FARP1: variants seen among roughly 807,000 people sequenced by gnomAD.
FARP1 encodes FERM, ARHGEF and pleckstrin domain-containing protein 1.
A neutral mutation model predicts 128.8 loss-of-function variants in FARP1; 52 were observed. That is an observed-to-expected ratio of 0.40 (90% CI 0.32 to 0.51). The LOEUF is 0.51. Ranked by LOEUF, FARP1 falls within the 20% of genes least tolerant of loss-of-function variation. The probability of loss-of-function intolerance (pLI) is 0.45; values close to 1 mark genes in which losing one functional copy is unlikely to be tolerated. For missense variants in FARP1, 1,333 were observed against 1,367.9 expected (o/e 0.97, Z 0.40); for synonymous variants, 580 against 551.8 (o/e 1.05, Z -0.72).
At chr13:98,236,508 CAG>C (rs1882428722) in intron 2 of FARP1, among the ~76,000 whole-genome samples, 1 of 151,652 alleles carries the variant, frequency 6.6e-6, no homozygotes, top group Admixed American at 6.6e-5. Flanking sequence ...CAATGTTATG[CAG>C]AGTTTTAAAA....
chr13:98,251,305 C>T (rs1002891691), intron 2 of FARP1, among the ~76,000 whole-genome samples: 5 of 152,300 alleles, frequency 3.3e-5, no homozygotes, highest in African/African-American at 1.2e-4. Context: ...TCTTCTGCCT[C>T]CTTGTCTAGG....
At chr13:98,443,125 C>T (rs554856701) in intron 24 of FARP1, among the ~76,000 whole-genome samples, 88 of 152,362 alleles carry the variant, frequency 5.8e-4, no homozygotes, top group Non-Finnish European at 9.3e-4. Context: ...TTACAGCCTG[C>T]GAACCAAGAA....
At chr13:98,426,761 A>G (rs577026135) in intron 17 of FARP1, among the ~76,000 whole-genome samples, 1 of 152,376 alleles carries the variant, frequency 6.6e-6, no homozygotes, top group South Asian at 2.1e-4. Context: ...GCAAAAAAAG[A>G]AAAGCAAGAA....
At chr13:98,410,134 G>A (rs11843300) in intron 14 of FARP1, among the ~76,000 whole-genome samples, 37,340 of 152,198 alleles carry the variant, frequency 0.25, 5,621 homozygotes, top group African/African-American at 0.42. Context: ...CCTATGAGAA[G>A]TGGGCAAAAT....
At chr13:98,212,088 G>A (rs929609331) in intron 1 of FARP1, among the ~76,000 whole-genome samples, 2 of 152,160 alleles carry the variant, frequency 1.3e-5, no homozygotes, top group Admixed American at 6.5e-5. Context: ...GGAGTTTCAC[G>A]CTTGTCCCCC....
At chr13:98,296,594 C>T (rs9517250) in intron 2 of FARP1, among the ~76,000 whole-genome samples, 30,967 of 151,544 alleles carry the variant, frequency 0.2, 3,592 homozygotes, top group East Asian at 0.28. Flanking sequence ...GCCTTTTTTG[C>T]GTAGAATGTC....
intron 1 of FARP1, among the ~76,000 whole-genome samples, chr13:98,153,419 ATG>A (rs1876206543): frequency 7.5e-6 from 1 of 133,660 alleles, no homozygotes; most frequent in South Asian, 2.3e-4. Flanking sequence ...TATGTATAAT[ATG>A]TAACACATTA....
At chr13:98,437,866 TG>T in intron 19 of FARP1, 5 of 1,585,872 alleles carry the variant, frequency 3.2e-6, no homozygotes, top group Non-Finnish European at 4.3e-6. Flanking sequence ...AAGGTGAAGA[TG>T]GAATTGGGGT....
intron 16 of FARP1, among the ~76,000 whole-genome samples, chr13:98,417,455 G>GGGAA (rs1491453247): frequency 6.2e-4 from 36 of 58,480 alleles, no homozygotes; most frequent in African/African-American, 1.8e-3. Flanking sequence ...CCAGAGGTTT[G>GGGAA]AAAAAAAAAA....
chr13:98,175,839 A>G (rs1471245776), intron 1 of FARP1: 1 of 301,176 alleles, frequency 3.3e-6, no homozygotes, highest in African/African-American at 2.2e-5. Flanking sequence ...GGTTCATTCT[A>G]GTTGTAGCAT....
At chr13:98,268,778 T>TTG (rs59132299) in intron 2 of FARP1, among the ~76,000 whole-genome samples, 20,142 of 148,088 alleles carry the variant, frequency 0.14, 1,426 homozygotes, top group South Asian at 0.27. Context: ...TTTCCCTTCT[T>TTG]TGTGTGTGTG....
At chr13:98,319,594 T>TG (rs1159385084) in intron 2 of FARP1, among the ~76,000 whole-genome samples, 2 of 152,230 alleles carry the variant, frequency 1.3e-5, no homozygotes, top group Non-Finnish European at 2.9e-5. Flanking sequence ...CACTCCAGCC[T>TG]GGGCAACAGA....
At chr13:98,210,554 T>C in intron 1 of FARP1, among the ~76,000 whole-genome samples, 1 of 117,758 alleles carries the variant, frequency 8.5e-6, no homozygotes, top group South Asian at 2.5e-4. Flanking sequence ...TTTTTCTATC[T>C]TTTCTTTTTT....
intron 2 of FARP1, among the ~76,000 whole-genome samples, chr13:98,226,740 G>A (rs1203967592): frequency 6.6e-6 from 1 of 152,156 alleles, no homozygotes; most frequent in Non-Finnish European, 1.5e-5. Flanking sequence ...TGAAGTACGG[G>A]TGGCCATATG....
chr13:98,320,183 C>T (rs552274705), intron 2 of FARP1, among the ~76,000 whole-genome samples: 2 of 152,120 alleles, frequency 1.3e-5, no homozygotes, highest in African/African-American at 4.8e-5. Context: ...CATTCTCATA[C>T]GTGGGCCTGG....
intron 2 of FARP1, among the ~76,000 whole-genome samples, chr13:98,255,435 A>G (rs1335097663): frequency 6.6e-6 from 1 of 152,132 alleles, no homozygotes; most frequent in Non-Finnish European, 1.5e-5. Context: ...CAGGACGCGA[A>G]GCTTGCAGTG....
Position 98,313,313 on chromosome 13 carries a change from AACACACAC to A in FARP1, c.172-30430_172-30423del, listed in dbSNP as rs10684013. 6.5e-5 allele frequency among the ~76,000 whole-genome samples: 9 copies of A among 139,462 alleles called. No homozygotes were observed. The East Asian group carries it at 6.6e-4, about 10-fold the overall frequency. 91.5% of individuals were successfully genotyped at this position (139,462 alleles called of 152,430 possible). On this transcript the variant is annotated intron_variant, in intron 2 of 26. Transcript: ENST00000319562. ...GGGTCATAATCCTCCCCTTCCCCCAAACACACACACACACACACACACACACCTGCACA... is the reference window on the plus strand; with the variant it reads ...GGGTCATAATCCTCCCCTTCCCCCAAACACACACACACACACACCTGCACA...
chr13:98,192,663 T>G (rs1464298854), intron 1 of FARP1, among the ~76,000 whole-genome samples: 1 of 152,138 alleles, frequency 6.6e-6, no homozygotes, highest in African/African-American at 2.4e-5. Flanking sequence ...AGTGCTGGGA[T>G]TACAAGTGTG....
chr13:98,336,220 A>G (rs968618507), intron 2 of FARP1, among the ~76,000 whole-genome samples: 1 of 152,178 alleles, frequency 6.6e-6, no homozygotes, highest in Admixed American at 6.5e-5. Flanking sequence ...CTGAAGACAT[A>G]GAAATGTTGT....
Sources: allele counts gnomAD v4.1 joint callset (sites outside exome capture counted in the v4.1 genomes callset), GRCh38; gene constraint gnomAD v4.1.1; transcripts MANE v1.5; gene names NCBI Gene and HGNC (gene_info 2026-07-23, HGNC 2026-07-21).